The following LRMDA variants were observed in gnomAD, a reference collection of about 807,000 sequenced individuals.
LRMDA encodes the protein leucine-rich melanocyte differentiation-associated protein.
In LRMDA, 18 loss-of-function variants were observed where a neutral mutation model predicts 29.8. That is an observed-to-expected ratio of 0.60 (90% CI 0.42 to 0.90). LRMDA has a LOEUF of 0.90. Among genes scored for constraint, LRMDA ranks in the 40% least tolerant of loss-of-function variants. The probability of loss-of-function intolerance (pLI) is 0.00; values close to 1 mark genes in which losing one functional copy is unlikely to be tolerated. For synonymous variants in LRMDA, 125 were observed against 109.4 expected (o/e 1.14, Z -0.89); for missense variants, 273 against 273.9 (o/e 1.00, Z 0.02).
At chr10:76,491,149 G>A (rs1842830427) in intron 6 of LRMDA, among the ~76,000 whole-genome samples, 1 of 151,668 alleles carries the variant, frequency 6.6e-6, no homozygotes, top group Non-Finnish European at 1.5e-5. Context: ...AAAAGTTGTT[G>A]TAGTTATTAT....
Position 75,629,615 on chromosome 10 carries a change from C to CT in LRMDA, c.131+191131dup, listed in dbSNP as rs5786182. 5.9e-3 allele frequency among the ~76,000 whole-genome samples: 891 copies of CT among 151,444 alleles called. 23 individuals carry two copies. The highest frequency in any genetic ancestry group is 2.7e-3 in the South Asian group (13 of 4,800). ...TGTAATTAAATGAGCATTAAGTCCT[C>CT]TTTTTTTTTTACTAGCAAAGCCTGA... On this transcript the variant is annotated intron_variant, in intron 2 of 6. Coordinates refer to ENST00000611255, the MANE Select transcript of LRMDA (RefSeq NM_001305581.2).
At chr10:75,718,101 A>T (rs555887685) in intron 2 of LRMDA, among the ~76,000 whole-genome samples, 10 of 152,230 alleles carry the variant, frequency 6.6e-5, no homozygotes, top group Non-Finnish European at 8.8e-5. Context: ...CTCAGACATG[A>T]CCCTTCAATC....
chr10:75,601,656 A>G (rs542303567), intron 2 of LRMDA, among the ~76,000 whole-genome samples: 1 of 152,326 alleles, frequency 6.6e-6, no homozygotes, highest in African/African-American at 2.4e-5. Context: ...ATTTGGTATT[A>G]AATTTTGGTA....
chr10:76,254,348 C>A (rs201908232), intron 5 of LRMDA, among the ~76,000 whole-genome samples: 9,503 of 36,146 alleles, frequency 0.26, 346 homozygotes, highest in East Asian at 0.47. Context: ...ACCATCCTAT[C>A]CTATCCTATC....
At chr10:75,726,143 G>A (rs938502145) in intron 2 of LRMDA, among the ~76,000 whole-genome samples, 5 of 152,344 alleles carry the variant, frequency 3.3e-5, no homozygotes, top group Middle Eastern at 3.4e-3. Context: ...TGCCCTGTAT[G>A]TGGAAGGCAT....
intron 3 of LRMDA, 41 bp from the exon 4 acceptor site, chr10:76,047,123 G>A: frequency 6.2e-7 from 1 of 1,611,932 alleles, no homozygotes; most frequent in Non-Finnish European, 8.5e-7. Flanking sequence ...TCATTGCTAA[G>A]CCTTTTGTCT....
chr10:76,184,018 G>A (rs1035860113), intron 5 of LRMDA, among the ~76,000 whole-genome samples: 11 of 150,598 alleles, frequency 7.3e-5, no homozygotes, highest in Non-Finnish European at 1.0e-4. Flanking sequence ...CACCCCACCC[G>A]GCCCTACTTT....
At chr10:76,446,742 G>A (rs1842357563) in intron 6 of LRMDA, among the ~76,000 whole-genome samples, 1 of 152,146 alleles carries the variant, frequency 6.6e-6, no homozygotes, top group African/African-American at 2.4e-5. Context: ...AAAGCAGGTT[G>A]GAGCTGCCAC....
intron 2 of LRMDA, among the ~76,000 whole-genome samples, chr10:75,456,447 C>A (rs1265116387): frequency 6.6e-6 from 1 of 152,176 alleles, no homozygotes; most frequent in Non-Finnish European, 1.5e-5. Context: ...AAGGCCAGCA[C>A]TTAGGGGTAC....
intron 6 of LRMDA, among the ~76,000 whole-genome samples, chr10:76,381,751 T>C (rs567106127): frequency 2.0e-5 from 3 of 152,350 alleles, no homozygotes; most frequent in South Asian, 2.1e-4. Flanking sequence ...TTTTCTAACC[T>C]ACACTCCTGT....
At chr10:76,033,722 C>T (rs532483379) in intron 2 of LRMDA, among the ~76,000 whole-genome samples, 1 of 152,226 alleles carries the variant, frequency 6.6e-6, no homozygotes, top group East Asian at 1.9e-4. Flanking sequence ...TATTAACCAC[C>T]CGTAAGGCTC....
Position 75,590,726 on chromosome 10 carries a change from C to CTTTTTTTTTTT in LRMDA, c.131+152264_131+152274dup, listed in dbSNP as rs67966004. Among the ~76,000 whole-genome samples, 27 of 71,382 alleles carry CTTTTTTTTTTT rather than the reference C, an allele frequency of 3.8e-4. 3 individuals carry two copies. Among genetic ancestry groups the CTTTTTTTTTTT allele is most frequent in the Non-Finnish European group, 4.8e-4 (19 of 39,848 alleles). 46.8% of individuals were successfully genotyped at this position (71,382 alleles called of 152,430 possible). ...CTCCTAACTCTCACAATAAAATAGT[C>CTTTTTTTTTTT]TTTTTTTTTTTTTTTTTTTTTTTTT... On this transcript the variant is annotated intron_variant, in intron 2 of 6. Coordinates refer to ENST00000611255, the MANE Select transcript of LRMDA (RefSeq NM_001305581.2).
intron 2 of LRMDA, among the ~76,000 whole-genome samples, chr10:75,559,197 T>C (rs973952641): frequency 3.9e-5 from 6 of 152,158 alleles, no homozygotes; most frequent in African/African-American, 1.4e-4. Context: ...GCACCTGTTG[T>C]TTCCTGACTT....
intron 5 of LRMDA, among the ~76,000 whole-genome samples, chr10:76,136,598 G>T (rs555402832): frequency 3.2e-5 from 4 of 126,072 alleles, no homozygotes; most frequent in Non-Finnish European, 6.5e-5. Flanking sequence ...ACATACAAGT[G>T]AACTTTTAAA....
At chr10:76,011,948 C>T (rs542861838) in intron 2 of LRMDA, among the ~76,000 whole-genome samples, 2 of 152,236 alleles carry the variant, frequency 1.3e-5, no homozygotes, top group East Asian at 3.9e-4. Context: ...TCCCTTTGCT[C>T]CCTTCCCAAA....
chr10:75,800,016 T>G (rs1213335412), intron 2 of LRMDA, among the ~76,000 whole-genome samples: 1 of 152,218 alleles, frequency 6.6e-6, no homozygotes, highest in Non-Finnish European at 1.5e-5. Context: ...GGATAAATAT[T>G]TTGACTTCTT....
intron 2 of LRMDA, among the ~76,000 whole-genome samples, chr10:75,855,298 T>C (rs1255649661): frequency 6.6e-6 from 1 of 152,204 alleles, no homozygotes; most frequent in Non-Finnish European, 1.5e-5. Flanking sequence ...TGGTTTTGAT[T>C]TGCATTTCTC....
At chr10:76,458,740 C>T (rs1279297471) in intron 6 of LRMDA, among the ~76,000 whole-genome samples, 1 of 152,178 alleles carries the variant, frequency 6.6e-6, no homozygotes, top group Non-Finnish European at 1.5e-5. Context: ...CCACAGAAAT[C>T]TCCTCTATGT....
intron 2 of LRMDA, among the ~76,000 whole-genome samples, chr10:75,582,423 C>A (rs1227233850): frequency 1.3e-5 from 2 of 152,224 alleles, no homozygotes; most frequent in Non-Finnish European, 2.9e-5. Context: ...TGGCTTGCGG[C>A]CTCTGAAGCA....
Sources: allele counts gnomAD v4.1 joint callset (sites outside exome capture counted in the v4.1 genomes callset), GRCh38; gene constraint gnomAD v4.1.1; transcripts MANE v1.5; gene names NCBI Gene and HGNC (gene_info 2026-07-23, HGNC 2026-07-21).